EXT2: variants seen among roughly 807,000 people sequenced by gnomAD.
The protein encoded by EXT2 is exostosin glycosyltransferase 2.
A neutral mutation model predicts 81.6 loss-of-function variants in EXT2; 53 were observed. That is an observed-to-expected ratio of 0.65 (90% CI 0.52 to 0.82). The LOEUF (loss-of-function observed/expected upper bound fraction) is 0.82. Among genes scored for constraint, EXT2 ranks in the 40% least tolerant of loss-of-function variants. The pLI is 0.00. For synonymous variants in EXT2, 320 were observed against 340.0 expected (o/e 0.94, Z 0.65); for missense variants, 774 against 910.2 (o/e 0.85, Z 1.93).
At chr11:44,156,646 G>C (rs1954859491) in intron 7 of EXT2, among the ~76,000 whole-genome samples, 1 of 152,146 alleles carries the variant, frequency 6.6e-6, no homozygotes, top group Admixed American at 6.5e-5. Flanking sequence ...ATTTCCTCAA[G>C]CTTCCTCAAA....
intron 13 of EXT2, among the ~76,000 whole-genome samples, chr11:44,238,070 C>T (rs1033770625): frequency 2.6e-5 from 4 of 151,858 alleles, no homozygotes; most frequent in Non-Finnish European, 4.4e-5. Context: ...GCCTGGGCAA[C>T]AAGAGTGAAA....
At position 44,249,636 on chromosome 11, in the gene EXT2, T is replaced by C. The variant is rs1279808001; in HGVS notation, c.*5349T>C. On this transcript the variant is annotated 3_prime_UTR_variant, in exon 14 of 14. Transcript: ENST00000533608. ...TAGCTGCAAATATATCATTGGCTAC[T>C]ATACCCAAGCATCAACTCAAGGAAC... Among the ~76,000 whole-genome samples, 1 of 152,250 alleles carries C rather than the reference T, an allele frequency of 6.6e-6. No individual in the cohort carries two copies. Among genetic ancestry groups the C allele is most frequent in the Non-Finnish European group, 1.5e-5 (1 of 68,046 alleles).
At chr11:44,155,611 A>G (rs1312584013) in intron 7 of EXT2, among the ~76,000 whole-genome samples, 2 of 152,156 alleles carry the variant, frequency 1.3e-5, no homozygotes, top group Non-Finnish European at 2.9e-5. Context: ...AGCAAAGAGA[A>G]AACTAATGAA....
chr11:44,125,314 G>C (rs1471477852), intron 5 of EXT2, among the ~76,000 whole-genome samples: 1 of 152,198 alleles, frequency 6.6e-6, no homozygotes, highest in Non-Finnish European at 1.5e-5. Flanking sequence ...ATATTCATAA[G>C]GCAGTCCAGA....
At chr11:44,096,260 G>A in intron 1 of EXT2, 1 of 1,535,958 alleles carries the variant, frequency 6.5e-7, no homozygotes, top group Non-Finnish European at 8.7e-7. Flanking sequence ...GGGATGTCCT[G>A]CGCCTCAGGG....
intron 7 of EXT2, among the ~76,000 whole-genome samples, chr11:44,142,613 T>C (rs1046995328): frequency 6.6e-6 from 1 of 152,230 alleles, no homozygotes; most frequent in Non-Finnish European, 1.5e-5. Context: ...GTTAATTTGA[T>C]CAGGATTTAA....
At chr11:44,194,561 A>G (rs1036077673) in intron 8 of EXT2, among the ~76,000 whole-genome samples, 2 of 152,252 alleles carry the variant, frequency 1.3e-5, no homozygotes, top group South Asian at 2.1e-4. Context: ...CTTGAGTTGT[A>G]TCTCAGTTCC....
Position 44,198,033 on chromosome 11 carries a change from T to G in EXT2, c.1495+15T>G. On this transcript the variant is annotated intron_variant, in intron 9 of 13. Coordinates refer to ENST00000533608, the MANE Select transcript of EXT2 (RefSeq NM_207122.2). ...CCCTCCAGAAGGTAAGAAGCCTTAG[T>G]GCCTCTCTCAGCTGGATCAATTTTG... The G allele has an allele frequency of 6.2e-7, 1 of 1,613,868 alleles. No homozygotes were observed. Among genetic ancestry groups the G allele is most frequent in the Non-Finnish European group, 8.5e-7 (1 of 1,179,788 alleles).
chr11:44,149,072 G>T (rs1458720486), intron 7 of EXT2, among the ~76,000 whole-genome samples: 1 of 152,156 alleles, frequency 6.6e-6, no homozygotes, highest in Non-Finnish European at 1.5e-5. Context: ...AGAAAGAAAA[G>T]AGTTTGGGGT....
chr11:44,195,179 A>G (rs1471523770), intron 8 of EXT2, among the ~76,000 whole-genome samples: 1 of 152,148 alleles, frequency 6.6e-6, no homozygotes, highest in African/African-American at 2.4e-5. Flanking sequence ...TCACACCTGT[A>G]ATCCCAGCAC....
chr11:44,205,484 C>G (rs1955571490), intron 9 of EXT2, among the ~76,000 whole-genome samples: 1 of 152,202 alleles, frequency 6.6e-6, no homozygotes, highest in Non-Finnish European at 1.5e-5. Context: ...TTCAGCCCTT[C>G]CCCAAACACA....
intron 7 of EXT2, among the ~76,000 whole-genome samples, chr11:44,165,933 T>C (rs982962935): frequency 1.3e-5 from 2 of 152,242 alleles, no homozygotes; most frequent in African/African-American, 2.4e-5. Flanking sequence ...GGATTGTGAT[T>C]CTGCTCCTTA....
intron 7 of EXT2, among the ~76,000 whole-genome samples, chr11:44,136,778 G>A (rs1198566249): frequency 6.6e-6 from 1 of 152,120 alleles, no homozygotes; most frequent in East Asian, 1.9e-4. Flanking sequence ...GCCACTCCAA[G>A]CTGTGTTTCG....
intron 4 of EXT2, among the ~76,000 whole-genome samples, chr11:44,117,400 G>A (rs1330267382): frequency 6.6e-6 from 1 of 152,214 alleles, no homozygotes; most frequent in Non-Finnish European, 1.5e-5. Context: ...CCAAGGCCAT[G>A]AAGATTTACC....
At chr11:44,145,115 C>T (rs1011860240) in intron 7 of EXT2, among the ~76,000 whole-genome samples, 6 of 151,996 alleles carry the variant, frequency 3.9e-5, no homozygotes, top group African/African-American at 1.4e-4. Context: ...GGATTGTCCT[C>T]CCGCATCTGC....
chr11:44,240,978 T>A (rs961933242), intron 13 of EXT2, among the ~76,000 whole-genome samples: 3 of 152,236 alleles, frequency 2.0e-5, no homozygotes, highest in Non-Finnish European at 2.9e-5. Flanking sequence ...CTGTTTTATT[T>A]TTAATAATAA....
chr11:44,096,290 A>C, intron 1 of EXT2: 1 of 1,535,694 alleles, frequency 6.5e-7, no homozygotes, highest in Non-Finnish European at 8.7e-7. Context: ...GGCCTGCGGC[A>C]TCCCTTGCGG....
At chr11:44,195,641 C>T (rs1332939863) in intron 8 of EXT2, among the ~76,000 whole-genome samples, 1 of 152,218 alleles carries the variant, frequency 6.6e-6, no homozygotes, top group East Asian at 1.9e-4. Context: ...ATCTGGCAGA[C>T]AGCTGTTGTC....
rs148630462 is a variant in EXT2 at position 44,110,030 on chromosome 11, G to A, written c.626+747G>A. Among the ~76,000 whole-genome samples, 711 of 152,238 alleles carry A rather than the reference G, an allele frequency of 4.7e-3. 13 individuals carry two copies. The highest frequency in any genetic ancestry group is 0.028 in the Admixed American group (434 of 15,288). On this transcript the variant is annotated intron_variant, in intron 3 of 13. Coordinates refer to ENST00000533608, the MANE Select transcript of EXT2 (RefSeq NM_207122.2). Reference sequence around the variant, plus strand: ...GAAAGTTGGGGCGCAATATATAAGCGTCGCGGGCAATGCTCAAGGTATAGA... The same window carrying A: ...GAAAGTTGGGGCGCAATATATAAGCATCGCGGGCAATGCTCAAGGTATAGA...
Sources: gnomAD v4.1 joint callset for allele counts (sites outside exome capture counted in the v4.1 genomes callset) on GRCh38, gnomAD v4.1.1 for gene constraint, MANE v1.5 for transcripts, NCBI Gene and HGNC (gene_info 2026-07-23, HGNC 2026-07-21) for gene names.